The following SMARCB1 variants were observed in gnomAD, a reference collection of about 807,000 sequenced individuals.
SMARCB1 encodes SWI/SNF related BAF chromatin remodeling complex subunit B1, also known as SWI/SNF-related matrix-associated actin-dependent regulator of chromatin subfamily B member 1.
SMARCB1 carries 5 observed loss-of-function variants against 49.0 expected under a neutral mutation model. The ratio of observed to expected loss-of-function variants is 0.10; its 90% confidence interval spans 0.05 to 0.21. The LOEUF (loss-of-function observed/expected upper bound fraction) is 0.21, where lower values mean the gene tolerates loss of function less well. SMARCB1 is among the 10% of genes least tolerant of loss of function. The pLI, the probability that SMARCB1 is intolerant of heterozygous loss-of-function variation, is 1.00. For synonymous variants in SMARCB1, 201 were observed against 200.1 expected (o/e 1.00, Z -0.04); for missense variants, 226 against 509.2 (o/e 0.44, Z 5.35).
chr22:23,834,942 G>GC lies in SMARCB1; in HGVS notation c.*765dup. On this transcript the variant is annotated 3_prime_UTR_variant, in exon 9 of 9. Transcript: ENST00000644036. ...GCTGCTCTGAAGTCCCCTGCGGAGG[G>GC]CCCAGTCCTGTGTGGGCACTGCTGG... The GC allele has an allele frequency of 6.3e-7, 1 of 1,598,722 alleles. No homozygotes were observed.
rs779024063 is a variant in SMARCB1, at chr22:23,837,794, AC to A, written c.*3615del. 51 of 1,613,722 alleles carry A rather than the reference AC, an allele frequency of 3.2e-5. No individual in the cohort carries two copies. Among genetic ancestry groups the A allele is most frequent in the Admixed American group, 1.3e-4 (8 of 60,000 alleles). ...CGAGGGCTGCGGCGGCTCCACACGT[AC>A]ACCAGCATGGCCATGAGGGCCTGGC... On this transcript the variant is annotated 3_prime_UTR_variant, in exon 9 of 9. Coordinates refer to ENST00000644036, the MANE Select transcript of SMARCB1 (RefSeq NM_003073.5).
At chr22:23,800,186 A>G (rs1929054889) in intron 3 of SMARCB1, among the ~76,000 whole-genome samples, 1 of 152,176 alleles carries the variant, frequency 6.6e-6, no homozygotes, top group Non-Finnish European at 1.5e-5. Context: ...AAAGTGCTGG[A>G]GCTACAGGCA....
Position 23,787,229 on chromosome 22 carries a change from G to A in SMARCB1, c.60G>A (p.Glu20=). ...FGQKPVKFQL[E]DDGEFYMIGS... is the part of the protein sequence containing the mutation. ...AGAAGCCCGTGAAGTTCCAGCTGGA[G>A]GACGACGGCGAGTTCTACATGATCG... The change falls in exon 1 of 9, where the codon GAG becomes GAA. Residue 20 remains glutamate (E), a synonymous_variant. Coordinates refer to ENST00000644036, the MANE Select transcript of SMARCB1 (RefSeq NM_003073.5). 6.2e-7 allele frequency: 1 copy of A among 1,608,258 alleles called. No homozygotes were observed. The highest frequency in any genetic ancestry group is 8.5e-7 in the Non-Finnish European group (1 of 1,176,630).
intron 5 of SMARCB1, among the ~76,000 whole-genome samples, chr22:23,806,415 G>A (rs1363664475): frequency 4.6e-5 from 7 of 152,158 alleles, no homozygotes; most frequent in Admixed American, 3.9e-4. Flanking sequence ...GTTGTTCTGC[G>A]AACTCTTCCT....
At chr22:23,810,524 T>C (rs145809744) in intron 5 of SMARCB1, among the ~76,000 whole-genome samples, 6,833 of 47,760 alleles carry the variant, frequency 0.14, 237 homozygotes, top group Middle Eastern at 0.32. Context: ...CAAGACTCTG[T>C]CTCAAAAAAA....
At chr22:23,801,204 G>C in intron 4 of SMARCB1, 123 bp downstream of exon 4, 2 of 1,334,224 alleles carry the variant, frequency 1.5e-6, no homozygotes, top group South Asian at 1.2e-5. Flanking sequence ...CAACGCCACA[G>C]TACCTCCTCG....
At chr22:23,816,671 C>A in intron 5 of SMARCB1, 99 bp from the exon 6 acceptor site, 1 of 1,152,572 alleles carries the variant, frequency 8.7e-7, no homozygotes. Context: ...TCTCCTGCAT[C>A]CGGAGATGTT....
intron 1 of SMARCB1, among the ~76,000 whole-genome samples, chr22:23,790,944 G>A (rs1302359096): frequency 1.3e-5 from 2 of 152,174 alleles, no homozygotes; most frequent in Non-Finnish European, 2.9e-5. Context: ...GGTCCTTCAT[G>A]GGGGTGAAGT....
intron 1 of SMARCB1, 93 bp from the exon 2 acceptor site, chr22:23,791,663 G>T: frequency 7.7e-7 from 1 of 1,296,178 alleles, no homozygotes. Context: ...CTCAAGGCCT[G>T]TTTGTCTGTT....
At chr22:23,799,049 CAA>C (rs765990218) in intron 3 of SMARCB1, among the ~76,000 whole-genome samples, 28 of 59,270 alleles carry the variant, frequency 4.7e-4, no homozygotes, top group Admixed American at 6.0e-4. Context: ...GACTCCATCT[CAA>C]AAAAAAAAAA....
chr22:23,797,866 G>A (rs5996616), intron 3 of SMARCB1, among the ~76,000 whole-genome samples: 7,793 of 150,618 alleles, frequency 0.052, 577 homozygotes, highest in African/African-American at 0.16. Context: ...TGATCCGTCC[G>A]CCTCGGCCTC....
intron 8 of SMARCB1, 135 bp from the exon 9 acceptor site, chr22:23,834,006 G>T (rs2030821095): frequency 1.0e-6 from 1 of 963,658 alleles, no homozygotes. Flanking sequence ...AGAAGGCTGG[G>T]TCTGACCCTG....
At chr22:23,797,305 TTTTATTA>T (rs1928823507) in intron 3 of SMARCB1, among the ~76,000 whole-genome samples, 1 of 136,050 alleles carries the variant, frequency 7.4e-6, no homozygotes, top group African/African-American at 3.4e-5. Flanking sequence ...GCCTGTTTTT[TTTTATTA>T]TTATTATTTT....
chr22:23,802,042 C>G, intron 4 of SMARCB1: 1 of 156,120 alleles, frequency 6.4e-6, no homozygotes, highest in Non-Finnish European at 1.4e-5. Context: ...GGGACTGCCT[C>G]AGACAGCCCC....
intron 5 of SMARCB1, among the ~76,000 whole-genome samples, chr22:23,813,645 T>G (rs564933657): frequency 6.6e-5 from 10 of 152,222 alleles, no homozygotes; most frequent in African/African-American, 2.4e-4. Flanking sequence ...AAGACCTAAA[T>G]AAGTAGACAT....
chr22:23,808,951 G>A (rs1929689360), intron 5 of SMARCB1, among the ~76,000 whole-genome samples: 1 of 151,550 alleles, frequency 6.6e-6, no homozygotes, highest in South Asian at 2.1e-4. Context: ...CCCACCCTCG[G>A]CCTCCTAAAG....
At chr22:23,791,723 C>T (rs1601388365) in intron 1 of SMARCB1, 33 bp from the exon 2 acceptor site, 2 of 1,611,176 alleles carry the variant, frequency 1.2e-6, no homozygotes, top group Non-Finnish European at 1.7e-6. Flanking sequence ...GGTGCTGCGA[C>T]CCTTATAATG....
chr22:23,809,468 G>T lies in SMARCB1; in HGVS notation c.628+6046G>T, dbSNP rs5751742. Among the ~76,000 whole-genome samples the T allele has an allele frequency of 9.3e-4, 141 of 151,704 alleles. 1 individual carries two copies. The East Asian group carries it at 0.026, about 28-fold the overall frequency. The stretch of plus-strand genomic sequence containing the variant: ...ATTTTTGTATTTTTAGTAGAGAGGG[G>T]TTTCTCCATGTTGGTCAGGCTGGCC... On this transcript the variant is annotated intron_variant, in intron 5 of 8. Transcript: ENST00000644036.
At chr22:23,804,853 C>A (rs1929394644) in intron 5 of SMARCB1, among the ~76,000 whole-genome samples, 2 of 152,164 alleles carry the variant, frequency 1.3e-5, no homozygotes. Flanking sequence ...TTTCTGATTT[C>A]TTTAATCTTC....
Sources: allele counts gnomAD v4.1 joint callset (sites outside exome capture counted in the v4.1 genomes callset), GRCh38; gene constraint gnomAD v4.1.1; transcripts MANE v1.5; gene names NCBI Gene and HGNC (gene_info 2026-07-23, HGNC 2026-07-21).